Variants in NSD2 observed in about 807,000 individuals in gnomAD.
NSD2 encodes the protein histone-lysine N-methyltransferase NSD2.
A neutral mutation model predicts 139.0 loss-of-function variants in NSD2; 12 were observed. That is an observed-to-expected ratio of 0.09 (90% confidence interval 0.06 to 0.14). NSD2 has a LOEUF of 0.14. NSD2 is among the 10% of genes least tolerant of loss of function. The pLI, the probability that NSD2 is intolerant of heterozygous loss-of-function variation, is 1.00. For synonymous variants in NSD2, 669 were observed against 648.7 expected (o/e 1.03, Z -0.48); for missense variants, 1,155 against 1,745.0 (o/e 0.66, Z 6.02).
At chr4:1,882,068 A>G (rs1714744375) in intron 1 of NSD2, among the ~76,000 whole-genome samples, 1 of 152,234 alleles carries the variant, frequency 6.6e-6, no homozygotes, top group Non-Finnish European at 1.5e-5. Flanking sequence ...CTTTGGAAAG[A>G]AGATTCCTCA....
chr4:1,898,821 C>A (rs1352689567), intron 1 of NSD2, among the ~76,000 whole-genome samples: 3 of 151,708 alleles, frequency 2.0e-5, no homozygotes, highest in African/African-American at 7.3e-5. Flanking sequence ...GAGACTCTCT[C>A]CTTGAGATTT....
In NSD2 at chr4:1,981,135, A is replaced by AATC. The variant is rs1407877732; in HGVS notation, c.*2228_*2229insCAT. The AATC allele has an allele frequency of 6.9e-5, 16 of 233,214 alleles. No homozygotes were observed. Among genetic ancestry groups the AATC allele is most frequent in the African/African-American group, 1.3e-4 (6 of 45,372 alleles). The allele number at this position is 233,214 out of a possible 1,614,324, so 14.4% of individuals were successfully genotyped here. A position where few individuals can be genotyped will look rare whatever the true frequency, so the allele number is the denominator to read the frequency against. The stretch of plus-strand genomic sequence containing the variant: ...TCTTGTGATTTTTAATCGCTTTGAT[A>AATC]ATACTTCCAAATTTTATGATTTTTC... On this transcript the variant is annotated 3_prime_UTR_variant, in exon 22 of 22. Transcript: ENST00000508803.
At chr4:1,970,843 G>T (rs967984395) in intron 18 of NSD2, among the ~76,000 whole-genome samples, 1 of 152,160 alleles carries the variant, frequency 6.6e-6, no homozygotes, top group Non-Finnish European at 1.5e-5. Flanking sequence ...AGGACAGGAC[G>T]GAGTCCCCAA....
At position 1,948,283 on chromosome 4, in the gene NSD2, C is replaced by G; in HGVS notation, c.1882-2789C>G. The G allele has an allele frequency of 1.9e-6, 2 of 1,065,598 alleles. No individual in the cohort carries two copies. The highest frequency in any genetic ancestry group is 2.3e-6 in the Non-Finnish European group (2 of 878,568). The allele number at this position is 1,065,598 out of a possible 1,614,324, so 66.0% of individuals were successfully genotyped here. A position where few individuals can be genotyped will look rare whatever the true frequency, so the allele number is the denominator to read the frequency against. ...CGCTCAGTCCCTGCACTTTTCCTTT[C>G]CAAATGCATCTCGTTGGATATGGAA... On this transcript the variant is annotated intron_variant, in intron 9 of 21. Transcript: ENST00000508803. The surrounding 1 kb of genome is among the most constrained non-coding windows in gnomAD (Gnocchi z 4.5).
chr4:1,897,183 A>G (rs1449773095), intron 1 of NSD2, among the ~76,000 whole-genome samples: 1 of 151,762 alleles, frequency 6.6e-6, no homozygotes, highest in Non-Finnish European at 1.5e-5. Flanking sequence ...GGAAAAAAAA[A>G]AAAGGAAAGT....
At chr4:1,937,188 A>G (rs1393976735) in intron 7 of NSD2, among the ~76,000 whole-genome samples, 1 of 152,014 alleles carries the variant, frequency 6.6e-6, no homozygotes, top group Non-Finnish European at 1.5e-5. Context: ...AGTAGCTGGG[A>G]TTACAGGTGC....
intron 1 of NSD2, among the ~76,000 whole-genome samples, chr4:1,882,175 CT>C (rs1714752412): frequency 6.6e-6 from 1 of 152,118 alleles, no homozygotes; most frequent in African/African-American, 2.4e-5. Context: ...AAAACCTTTC[CT>C]TTGTCCCTGC....
At chr4:1,896,652 C>G (rs934096947) in intron 1 of NSD2, among the ~76,000 whole-genome samples, 10 of 152,132 alleles carry the variant, frequency 6.6e-5, no homozygotes, top group African/African-American at 2.4e-4. Context: ...AAGTAGTGAA[C>G]CACTGTGCCC....
At position 1,977,851 on chromosome 4, in the gene NSD2, C is replaced by T. The variant is rs191249555; in HGVS notation, c.3827-787C>T. ...CTATAAAAAGAAAATCCAGGCCAGG[C>T]ACGGTGGCTCATGCCTCTAATCCCA... On this transcript the variant is annotated intron_variant, in intron 21 of 21. Coordinates refer to ENST00000508803, the MANE Select transcript of NSD2 (RefSeq NM_001042424.3). Among the ~76,000 whole-genome samples, 387 of 149,812 alleles carry T rather than the reference C, an allele frequency of 2.6e-3. 3 individuals are homozygous for T. The highest frequency in any genetic ancestry group is 5.4e-3 in the Admixed American group (81 of 14,998).
At position 1,975,002 on chromosome 4, in the gene NSD2, C is replaced by A. The variant is rs769777776; in HGVS notation, c.3512C>A (p.Ala1171Glu). The A allele has an allele frequency of 3.7e-6, 6 of 1,613,966 alleles. No homozygotes were observed. The highest frequency in any genetic ancestry group is 5.1e-6 in the Non-Finnish European group (6 of 1,180,040). Reference sequence around the variant, plus strand: ...CTGTTTGCCGTCTGTGACATTCCTGCAGGTACAAGCTCTGGGGACCCTGCA... The same window carrying A: ...CTGTTTGCCGTCTGTGACATTCCTGAAGGTACAAGCTCTGGGGACCCTGCA... ...VGLFAVCDIP[A>E]GTELTFNYNL... The change falls in exon 19 of 22, where the codon GCA becomes GAA. Residue 1171 changes from alanine (A) to glutamate (E), a missense_variant and splice_region_variant. Ala to Glu is a moderately radical substitution (Grantham distance 107). Coordinates refer to ENST00000508803, the MANE Select transcript of NSD2 (RefSeq NM_001042424.3).
rs1723170115 is a variant in NSD2, at chr4:1,942,180, A to T, written c.1881+2402A>T. The T allele has an allele frequency of 7.5e-7, 1 of 1,341,818 alleles. No individual in the cohort carries two copies. The highest frequency in any genetic ancestry group is 9.6e-7 in the Non-Finnish European group (1 of 1,043,964). The allele number at this position is 1,341,818 out of a possible 1,614,324, so 83.1% of individuals were successfully genotyped here. A position where few individuals can be genotyped will look rare whatever the true frequency, so the allele number is the denominator to read the frequency against. On this transcript the variant is annotated intron_variant, in intron 9 of 21. Transcript: ENST00000508803. This position sits in a 1 kb window ranked among gnomAD's most constrained non-coding sequence, Gnocchi z 4.0. Reference sequence around the variant, plus strand: ...AAATTTTTATTGGAATAATTATTACATGGTACTACATCACCCTGAGGAAGA... The same window carrying T: ...AAATTTTTATTGGAATAATTATTACTTGGTACTACATCACCCTGAGGAAGA...
intron 9 of NSD2, chr4:1,947,082 T>C (rs1013604989): frequency 1.9e-6 from 2 of 1,064,356 alleles, no homozygotes; most frequent in Non-Finnish European, 2.3e-6. Flanking sequence ...GAAGCAGGTG[T>C]ATTGTGGGCA....
At chr4:1,878,114 G>A (rs1714396879) in intron 1 of NSD2, among the ~76,000 whole-genome samples, 1 of 150,280 alleles carries the variant, frequency 6.7e-6, no homozygotes. Context: ...AGGCTGGAGT[G>A]CAGTGGCACA....
chr4:1,912,210 T>C, intron 3 of NSD2: 1 of 253,782 alleles, frequency 3.9e-6, no homozygotes, highest in Non-Finnish European at 8.1e-6. Flanking sequence ...TATTTTTATC[T>C]CTTTCATCAT....
chr4:1,945,399 T>A, intron 9 of NSD2: 1 of 1,064,286 alleles, frequency 9.4e-7, no homozygotes, highest in Non-Finnish European at 1.1e-6. Flanking sequence ...GGTGTGTGTG[T>A]CCAGAGGTGT....
intron 1 of NSD2, 70 bp downstream of exon 1, chr4:1,871,612 TGGGA>T (rs1483789067): frequency 6.8e-6 from 1 of 147,946 alleles, no homozygotes; most frequent in Non-Finnish European, 1.5e-5. Flanking sequence ...GGCCGGGCTG[TGGGA>T]GGCCTGAGGG....
intron 1 of NSD2, among the ~76,000 whole-genome samples, chr4:1,871,908 G>T (rs2108872068): frequency 6.8e-6 from 1 of 147,590 alleles, no homozygotes; most frequent in Non-Finnish European, 1.5e-5. Context: ...GGGCCCGGCC[G>T]GGCCCTGCGG....
intron 1 of NSD2, among the ~76,000 whole-genome samples, chr4:1,875,641 G>A (rs1030420840): frequency 6.6e-5 from 10 of 152,112 alleles, no homozygotes; most frequent in Admixed American, 3.3e-4. Context: ...AGTGGCTCAC[G>A]CCTGTAATCC....
chr4:1,940,984 AC>A, intron 9 of NSD2: 2 of 1,058,250 alleles, frequency 1.9e-6, no homozygotes, highest in Non-Finnish European at 2.3e-6. Context: ...GGATGGTGGG[AC>A]TGGGGCTGCT....
Sources: allele counts gnomAD v4.1 joint callset (sites outside exome capture counted in the v4.1 genomes callset), GRCh38; gene constraint gnomAD v4.1.1; non-coding constraint Gnocchi (gnomAD v3.1); transcripts MANE v1.5; gene names NCBI Gene and HGNC (gene_info 2026-07-23, HGNC 2026-07-21).